MKLN1: variants seen among roughly 807,000 people sequenced by gnomAD.
The protein encoded by MKLN1 is muskelin 1, also known as muskelin.
A neutral mutation model predicts 99.0 loss-of-function variants in MKLN1; 18 were observed. The ratio of observed to expected loss-of-function variants is 0.18; its 90% confidence interval spans 0.13 to 0.27. MKLN1 has a LOEUF of 0.27. Among genes scored for constraint, MKLN1 ranks in the 10% least tolerant of loss-of-function variants. The pLI is 1.00. For missense variants in MKLN1, 621 were observed against 875.9 expected (o/e 0.71, Z 3.67); for synonymous variants, 288 against 293.2 (o/e 0.98, Z 0.18).
rs1797340085 is a variant in MKLN1 at position 131,488,270 on chromosome 7, T to C, written c.*542T>C. On this transcript the variant is annotated 3_prime_UTR_variant, in exon 18 of 18. Coordinates refer to ENST00000352689, the MANE Select transcript of MKLN1 (RefSeq NM_013255.5). The stretch of plus-strand genomic sequence containing the variant: ...ATAGTTCTCTAGGACAGTTGATGTA[T>C]GTTAAGGTGATATCTGTGTCTGTAT... 1 of 152,108 alleles carries C rather than the reference T, an allele frequency of 6.6e-6. No homozygotes were observed. The highest frequency in any genetic ancestry group is 1.5e-5 in the Non-Finnish European group (1 of 68,014). The allele number at this position is 152,108 out of a possible 1,614,324, so 9.4% of individuals were successfully genotyped here.
Position 131,388,897 on chromosome 7 carries a change from GATT to G in MKLN1, c.328_330del (p.Tyr110del). ...TTTTTCCCACAGTGGCTTAAAGAAT[GATT>G]ATAACAAAGAAACATTCACCTTGAA... On this transcript the variant is annotated inframe_deletion, in exon 4 of 18. Transcript: ENST00000352689. The G allele has an allele frequency of 6.2e-7, 1 of 1,608,986 alleles. No individual in the cohort carries two copies.
At chr7:131,319,698 T>C (rs889419046) in intron 3 of MKLN1, among the ~76,000 whole-genome samples, 7 of 152,178 alleles carry the variant, frequency 4.6e-5, no homozygotes, top group Non-Finnish European at 1.0e-4. Context: ...AGAAAACCCA[T>C]TGTCTGAGCC....
chr7:131,368,663 A>G (rs1244243515), intron 1 of MKLN1, among the ~76,000 whole-genome samples: 1 of 152,120 alleles, frequency 6.6e-6, no homozygotes, highest in East Asian at 1.9e-4. Context: ...CCATGATCCA[A>G]TCACCTCCTA....
intron 2 of MKLN1, among the ~76,000 whole-genome samples, chr7:131,197,189 A>AGGCTTGAT (rs1796659444): frequency 6.6e-6 from 1 of 152,032 alleles, no homozygotes; most frequent in Non-Finnish European, 1.5e-5. Flanking sequence ...TTCAGAGCAC[A>AGGCTTGAT]GGCTTGATTG....
At chr7:131,132,638 C>G (rs1795568535) in intron 1 of MKLN1, among the ~76,000 whole-genome samples, 1 of 152,032 alleles carries the variant, frequency 6.6e-6, no homozygotes, top group Admixed American at 6.6e-5. Flanking sequence ...AAATGAAAAA[C>G]CAAAGGCCGG....
intron 16 of MKLN1, 166 bp from the exon 17 acceptor site, chr7:131,478,457 C>G (rs2116674470): frequency 1.9e-6 from 1 of 524,910 alleles, no homozygotes; most frequent in Middle Eastern, 5.4e-4. Flanking sequence ...ATTCTGTAAT[C>G]TGAATGTGTT....
intron 3 of MKLN1, among the ~76,000 whole-genome samples, chr7:131,259,880 G>A (rs1282181551): frequency 6.6e-6 from 1 of 151,990 alleles, no homozygotes; most frequent in Non-Finnish European, 1.5e-5. Flanking sequence ...AGAAATAAAA[G>A]GCATCCAAAT....
chr7:131,119,382 T>G (rs1330739044), intron 1 of MKLN1, among the ~76,000 whole-genome samples: 1 of 152,236 alleles, frequency 6.6e-6, no homozygotes, highest in Admixed American at 6.5e-5. Flanking sequence ...CTGCAGCTGC[T>G]TTCATGGGCT....
chr7:131,245,513 G>T (rs193171291), intron 3 of MKLN1, among the ~76,000 whole-genome samples: 1 of 151,898 alleles, frequency 6.6e-6, no homozygotes, highest in African/African-American at 2.4e-5. Flanking sequence ...GGTGATCCGC[G>T]CCCCCCGCCC....
intron 2 of MKLN1, among the ~76,000 whole-genome samples, chr7:131,194,632 G>A (rs73489260): frequency 0.021 from 3,264 of 152,240 alleles, 114 homozygotes; most frequent in African/African-American, 0.074. Flanking sequence ...TGCCACAGCC[G>A]CATCTCAATT....
chr7:131,375,293 C>T (rs142111232), intron 1 of MKLN1, 131 bp from the exon 2 acceptor site: 2 of 601,308 alleles, frequency 3.3e-6, no homozygotes, highest in Non-Finnish European at 6.0e-6. Flanking sequence ...TTTTCTTACT[C>T]TGTTTTGTTT....
intron 2 of MKLN1, among the ~76,000 whole-genome samples, chr7:131,376,140 G>GTATGT (rs71174943): frequency 0.076 from 9,227 of 121,418 alleles, 723 homozygotes; most frequent in Non-Finnish European, 0.1. Context: ...ATATATGTAT[G>GTATGT]ATGTATGTAT....
At chr7:131,204,553 C>A (rs148378829) in intron 3 of MKLN1, among the ~76,000 whole-genome samples, 1 of 152,176 alleles carries the variant, frequency 6.6e-6, no homozygotes. Flanking sequence ...CAAGTTAGGC[C>A]GGGTGCGGTG....
intron 3 of MKLN1, among the ~76,000 whole-genome samples, chr7:131,241,667 C>CA (rs1156841742): frequency 6.6e-6 from 1 of 152,156 alleles, no homozygotes; most frequent in Non-Finnish European, 1.5e-5. Flanking sequence ...CAAAGCAAAA[C>CA]AAAAACAAAA....
chr7:131,328,185 T>C (rs1798949132), intron 1 of MKLN1, 188 bp downstream of exon 1: 3 of 705,830 alleles, frequency 4.3e-6, no homozygotes, highest in Non-Finnish European at 6.8e-6. Flanking sequence ...GGGGTTAGGG[T>C]CCGGAGAGCG....
chr7:131,173,469 A>C (rs896659453), intron 2 of MKLN1, among the ~76,000 whole-genome samples: 1 of 152,234 alleles, frequency 6.6e-6, no homozygotes, highest in Admixed American at 6.5e-5. Flanking sequence ...CCATAATCCT[A>C]GCACTTTGGG....
At chr7:131,355,982 C>A (rs1316701922) in intron 1 of MKLN1, among the ~76,000 whole-genome samples, 2 of 151,026 alleles carry the variant, frequency 1.3e-5, no homozygotes, top group Non-Finnish European at 2.9e-5. Context: ...TAGACTTTAT[C>A]CTTTAGAACA....
chr7:131,291,101 T>TTTTATTTTATTTATTTATTTATTTA (rs550977388), intron 3 of MKLN1, among the ~76,000 whole-genome samples: 8 of 134,842 alleles, frequency 5.9e-5, no homozygotes, highest in Non-Finnish European at 1.1e-4. Flanking sequence ...TCTCATTTTA[T>TTTTATTTTATTTATTTATTTATTTA]TTTATTTATT....
intron 6 of MKLN1, among the ~76,000 whole-genome samples, chr7:131,402,359 A>G (rs985713925): frequency 3.9e-5 from 6 of 152,172 alleles, no homozygotes; most frequent in African/African-American, 1.2e-4. Context: ...TTCTCTTGCT[A>G]TTTCTACCAC....
Sources: gnomAD v4.1 joint callset for allele counts (sites outside exome capture counted in the v4.1 genomes callset) on GRCh38, gnomAD v4.1.1 for gene constraint, MANE v1.5 for transcripts, NCBI Gene and HGNC (gene_info 2026-07-23, HGNC 2026-07-21) for gene names.